VWC2L: variants seen among roughly 807,000 people sequenced by gnomAD.
The protein encoded by VWC2L is von Willebrand factor C domain-containing protein 2-like.
VWC2L carries 10 observed loss-of-function variants against 21.6 expected under a neutral mutation model. The ratio of observed to expected loss-of-function variants is 0.46; its 90% CI spans 0.29 to 0.78. The LOEUF (loss-of-function observed/expected upper bound fraction) is 0.78, where lower values mean the gene tolerates loss of function less well. Among genes scored for constraint, VWC2L ranks in the 30% least tolerant of loss-of-function variants. VWC2L has a pLI of 0.10. For synonymous variants in VWC2L, 96 were observed against 94.3 expected, an observed-to-expected ratio of 1.02 and a Z score of -0.10; for missense variants, 209 against 277.1, an observed-to-expected ratio of 0.75 and a Z score of 1.74.
chr2:214,416,596 G>A (rs149080107), intron 2 of VWC2L, among the ~76,000 whole-genome samples: 38 of 152,106 alleles, frequency 2.5e-4, no homozygotes, highest in Middle Eastern at 3.4e-3. Flanking sequence ...AAATTGTCAA[G>A]TTATTTATCT....
chr2:214,415,862 C>T (rs972398837), intron 2 of VWC2L, among the ~76,000 whole-genome samples: 1 of 151,994 alleles, frequency 6.6e-6, no homozygotes, highest in African/African-American at 2.4e-5. Flanking sequence ...TATTTTATTG[C>T]ACAAAATTAA....
chr2:214,441,887 A>T (rs1183690062), intron 3 of VWC2L, among the ~76,000 whole-genome samples: 1 of 151,442 alleles, frequency 6.6e-6, no homozygotes, highest in Non-Finnish European at 1.5e-5. Flanking sequence ...TCTTATAATA[A>T]AATAAGATTT....
At chr2:214,440,891 T>C (rs1243403592) in intron 3 of VWC2L, among the ~76,000 whole-genome samples, 2 of 152,132 alleles carry the variant, frequency 1.3e-5, no homozygotes, top group Non-Finnish European at 2.9e-5. Flanking sequence ...CATTAGCTGG[T>C]TTGTCAGTGA....
chr2:214,490,794 T>C (rs1334510280), intron 3 of VWC2L, among the ~76,000 whole-genome samples: 1 of 152,140 alleles, frequency 6.6e-6, no homozygotes, highest in Non-Finnish European at 1.5e-5. Context: ...AAGCTCTCAA[T>C]TGCTGCATAG....
intron 2 of VWC2L, among the ~76,000 whole-genome samples, chr2:214,424,718 C>G (rs1194297208): frequency 1.3e-5 from 2 of 152,102 alleles, no homozygotes; most frequent in African/African-American, 4.8e-5. Context: ...CAATGAAACA[C>G]AGTTTAAGAA....
chr2:214,472,648 G>A (rs1703326863), intron 3 of VWC2L, among the ~76,000 whole-genome samples: 2 of 152,302 alleles, frequency 1.3e-5, no homozygotes, highest in African/African-American at 4.8e-5. Context: ...TAGACCTAGA[G>A]CACAAGTTCT....
chr2:214,488,720 T>C (rs975308534), intron 3 of VWC2L, among the ~76,000 whole-genome samples: 3 of 152,230 alleles, frequency 2.0e-5, no homozygotes, highest in African/African-American at 7.2e-5. Flanking sequence ...CTCATGATTC[T>C]GCTGCCTGGA....
At chr2:214,470,916 CAAAAAAA>C (rs56041924) in intron 3 of VWC2L, among the ~76,000 whole-genome samples, 1 of 50,794 alleles carries the variant, frequency 2.0e-5, no homozygotes, top group African/African-American at 1.0e-4. Context: ...AACTCCATCT[CAAAAAAA>C]AAAAAAAAAA....
rs529705416 is a variant in VWC2L at position 214,578,087 on chromosome 2, G to A, written c.*2267G>A. 1 of 152,094 alleles carries A rather than the reference G, an allele frequency of 6.6e-6. No homozygotes were observed. The highest frequency in any genetic ancestry group is 1.5e-5 in the Non-Finnish European group (1 of 68,014). The allele number at this position is 152,094 out of a possible 1,614,324, so 9.4% of individuals were successfully genotyped here. A position where few individuals can be genotyped will look rare whatever the true frequency, so the allele number is the denominator to read the frequency against. On this transcript the variant is annotated 3_prime_UTR_variant, in exon 4 of 4. Coordinates refer to ENST00000312504, the MANE Select transcript of VWC2L (RefSeq NM_001080500.4). ...TGTATTATAGAGCTTTCTTTGCCCC[G>A]AGGTTGCCTGTTGCCAACTTCAAAA...
rs577031922 is a variant in VWC2L at position 214,458,052 on chromosome 2, A to T, written c.520+21294A>T. On this transcript the variant is annotated intron_variant, in intron 3 of 3. Coordinates refer to ENST00000312504, the MANE Select transcript of VWC2L (RefSeq NM_001080500.4). ...TTGAGGACAATAGGTTTTTCTTCTAATGTGGCAGTAAAACCATCAAGTCCT... is the reference window on the plus strand; with the variant it reads ...TTGAGGACAATAGGTTTTTCTTCTATTGTGGCAGTAAAACCATCAAGTCCT... 1.1e-4 allele frequency among the ~76,000 whole-genome samples: 16 copies of T among 152,094 alleles called. No individual in the cohort carries two copies. In the East Asian group the frequency reaches 2.3e-3, roughly 22 times the overall value.
In VWC2L at chr2:214,529,104, TG is replaced by T. The variant is rs1447870768; in HGVS notation, c.521-46567del. Reference sequence around the variant, plus strand: ...TTGCCTACAATCACAAGCTAGACAATGACAAAACCAGGATCTGAAACCAAAG... The same window carrying T: ...TTGCCTACAATCACAAGCTAGACAATACAAAACCAGGATCTGAAACCAAAG... On this transcript the variant is annotated intron_variant, in intron 3 of 3. Coordinates refer to ENST00000312504, the MANE Select transcript of VWC2L (RefSeq NM_001080500.4). Among the ~76,000 whole-genome samples, 4 of 152,112 alleles carry T rather than the reference TG, an allele frequency of 2.6e-5. No homozygotes were observed. The East Asian group carries it at 7.7e-4, about 29-fold the overall frequency.
chr2:214,443,492 C>T (rs1402651815), intron 3 of VWC2L, among the ~76,000 whole-genome samples: 1 of 152,028 alleles, frequency 6.6e-6, no homozygotes, highest in East Asian at 1.9e-4. Flanking sequence ...GCAACCTAAC[C>T]AAATGGGATT....
intron 3 of VWC2L, among the ~76,000 whole-genome samples, chr2:214,524,932 C>CTTTTTTTT (rs5838441): frequency 4.8e-5 from 7 of 144,862 alleles, no homozygotes; most frequent in Non-Finnish European, 7.5e-5. Flanking sequence ...CTTTGGCTGG[C>CTTTTTTTT]TTTTTTTTTT....
At chr2:214,458,701 T>C (rs914946061) in intron 3 of VWC2L, among the ~76,000 whole-genome samples, 3 of 152,166 alleles carry the variant, frequency 2.0e-5, no homozygotes, top group Admixed American at 6.5e-5. Flanking sequence ...TAGGAGCATA[T>C]TGTTTAACTT....
chr2:214,477,465 T>C (rs1688541198), intron 3 of VWC2L, among the ~76,000 whole-genome samples: 1 of 147,060 alleles, frequency 6.8e-6, no homozygotes, highest in Admixed American at 6.9e-5. Context: ...TATAAGAGTG[T>C]CTTTTTTGTT....
At chr2:214,574,984 A>G (rs17711053) in intron 3 of VWC2L, among the ~76,000 whole-genome samples, 17,305 of 151,050 alleles carry the variant, frequency 0.11, 1,131 homozygotes, top group East Asian at 0.18. Context: ...TCAAAAAGTA[A>G]AATAAAATTC....
chr2:214,558,847 C>T (rs1477181115), intron 3 of VWC2L, among the ~76,000 whole-genome samples: 1 of 150,652 alleles, frequency 6.6e-6, no homozygotes, highest in Non-Finnish European at 1.5e-5. Context: ...TTAAAATTTT[C>T]CCTTTAGCTA....
chr2:214,509,535 C>T (rs1173638006), intron 3 of VWC2L, among the ~76,000 whole-genome samples: 3 of 151,812 alleles, frequency 2.0e-5, no homozygotes, highest in East Asian at 3.9e-4. Flanking sequence ...TCCCGGATAT[C>T]GTAGATTTGG....
intron 3 of VWC2L, among the ~76,000 whole-genome samples, chr2:214,515,054 C>A (rs1385371431): frequency 6.6e-6 from 1 of 152,046 alleles, no homozygotes; most frequent in Non-Finnish European, 1.5e-5. Context: ...CCCTCCCTGC[C>A]CCCACCCAGT....
Sources: gnomAD v4.1 joint callset for allele counts (sites outside exome capture counted in the v4.1 genomes callset) on GRCh38, gnomAD v4.1.1 for gene constraint, MANE v1.5 for transcripts, NCBI Gene and HGNC (gene_info 2026-07-23, HGNC 2026-07-21) for gene names.